Variants in PLCB1 observed in about 807,000 individuals in gnomAD.
PLCB1 encodes 1-phosphatidylinositol 4,5-bisphosphate phosphodiesterase beta-1.
Under a neutral mutation model 161.8 loss-of-function variants are expected in PLCB1, and 46 were observed. The observed-to-expected ratio is 0.28, with a 90% CI of 0.22 to 0.36. PLCB1 has a LOEUF of 0.36. Ranked by LOEUF, PLCB1 falls within the 10% of genes least tolerant of loss-of-function variation. The pLI is 1.00. For synonymous variants in PLCB1, 517 were observed against 503.7 expected (o/e 1.03, Z -0.35); for missense variants, 1,016 against 1,472.5 (o/e 0.69, Z 5.07).
chr20:8,271,327 G>A (rs2123263704), intron 2 of PLCB1, among the ~76,000 whole-genome samples: 1 of 152,158 alleles, frequency 6.6e-6, no homozygotes, highest in Non-Finnish European at 1.5e-5. Context: ...TTATATGATT[G>A]AAATTGTTGG....
intron 2 of PLCB1, among the ~76,000 whole-genome samples, chr20:8,335,438 A>G (rs967364082): frequency 1.3e-5 from 2 of 152,158 alleles, no homozygotes; most frequent in Non-Finnish European, 2.9e-5. Flanking sequence ...ACAACCTCCT[A>G]AATAGTTCAC....
intron 2 of PLCB1, among the ~76,000 whole-genome samples, chr20:8,325,757 A>AG (rs1441165563): frequency 6.6e-6 from 1 of 152,108 alleles, no homozygotes; most frequent in African/African-American, 2.4e-5. Flanking sequence ...GCTGTTCCTG[A>AG]GGAGTTCCTA....
intron 10 of PLCB1, among the ~76,000 whole-genome samples, chr20:8,688,045 G>GT (rs1341013917): frequency 6.6e-6 from 1 of 152,154 alleles, no homozygotes; most frequent in East Asian, 1.9e-4. Context: ...GAGTAAGGTG[G>GT]TATCGCATTG....
chr20:8,560,383 CAT>C (rs771627281), intron 3 of PLCB1, among the ~76,000 whole-genome samples: 1 of 151,864 alleles, frequency 6.6e-6, no homozygotes, highest in Non-Finnish European at 1.5e-5. Context: ...AAGCTTCTCA[CAT>C]GTTTCTAATA....
chr20:8,253,725 A>AT (rs1375953673), intron 2 of PLCB1, among the ~76,000 whole-genome samples: 1 of 151,942 alleles, frequency 6.6e-6, no homozygotes, highest in Non-Finnish European at 1.5e-5. Flanking sequence ...CCCATCACCC[A>AT]AGAACTAAGC....
At chr20:8,204,497 G>C (rs1258283158) in intron 2 of PLCB1, among the ~76,000 whole-genome samples, 1 of 152,042 alleles carries the variant, frequency 6.6e-6, no homozygotes, top group East Asian at 1.9e-4. Context: ...GCTGGAGATG[G>C]GGCCTGGTGG....
chr20:8,495,388 CTTTTTTTTTTTTTTTTT>C (rs869173548), intron 3 of PLCB1, among the ~76,000 whole-genome samples: 1 of 94,364 alleles, frequency 1.1e-5, no homozygotes, highest in Non-Finnish European at 2.0e-5. Flanking sequence ...ACCTTCCTTT[CTTTTTTTTTTTTTTTTT>C]TTTTTTTTTT....
In PLCB1 at chr20:8,224,959, A is replaced by T. The variant is rs185094053; in HGVS notation, c.177+74588A>T. ...GGTATTCATTTTTTAACCACTCATT[A>T]TGGAAAATTTCAAATGTACACAAAA... On this transcript the variant is annotated intron_variant, in intron 2 of 31. Coordinates refer to ENST00000338037, the MANE Select transcript of PLCB1 (RefSeq NM_015192.4). Among the ~76,000 whole-genome samples, 6 of 152,310 alleles carry T rather than the reference A, an allele frequency of 3.9e-5. No homozygotes were observed. The East Asian group carries it at 1.2e-3, about 29-fold the overall frequency.
At chr20:8,608,009 T>C (rs1987805935) in intron 3 of PLCB1, among the ~76,000 whole-genome samples, 1 of 152,088 alleles carries the variant, frequency 6.6e-6, no homozygotes, top group Non-Finnish European at 1.5e-5. Flanking sequence ...TATATACAAT[T>C]TTTACTCGTC....
intron 11 of PLCB1, among the ~76,000 whole-genome samples, chr20:8,699,200 A>T (rs1314929621): frequency 2.0e-5 from 3 of 152,226 alleles, no homozygotes; most frequent in Non-Finnish European, 4.4e-5. Context: ...GTTGCCTGGG[A>T]TACCTGGGTC....
chr20:8,847,649 A>G (rs565032725), intron 31 of PLCB1, among the ~76,000 whole-genome samples: 1 of 152,302 alleles, frequency 6.6e-6, no homozygotes, highest in South Asian at 2.1e-4. Flanking sequence ...TTCAGGTGCC[A>G]GTTGCAAGAC....
At chr20:8,400,911 G>C (rs1484217846) in intron 3 of PLCB1, among the ~76,000 whole-genome samples, 1 of 152,080 alleles carries the variant, frequency 6.6e-6, no homozygotes, top group Non-Finnish European at 1.5e-5. Flanking sequence ...TGGTGAAATT[G>C]CTAAGTCCAA....
rs552715887 is a variant in PLCB1, at chr20:8,189,139, T to C, written c.177+38768T>C. 5.3e-5 allele frequency among the ~76,000 whole-genome samples: 8 copies of C among 151,932 alleles called. No homozygotes were observed. In the South Asian group the frequency reaches 1.7e-3, roughly 31 times the overall value. On this transcript the variant is annotated intron_variant, in intron 2 of 31. Transcript: ENST00000338037. Reference sequence around the variant, plus strand: ...ATAAGTGAATCATGCAATCTTTTTTTTCTGTGTCTGTGCCAGACACAGAAA... The same window carrying C: ...ATAAGTGAATCATGCAATCTTTTTTCTCTGTGTCTGTGCCAGACACAGAAA...
intron 4 of PLCB1, among the ~76,000 whole-genome samples, chr20:8,632,012 GAGACAAATAT>G (rs1988602898): frequency 7.3e-6 from 1 of 136,772 alleles, no homozygotes; most frequent in Admixed American, 7.6e-5. Flanking sequence ...ACTCCTGGAG[GAGACAAATAT>G]GGGTTTTTTT....
chr20:8,430,125 G>A (rs1004521012), intron 3 of PLCB1, among the ~76,000 whole-genome samples: 1 of 151,964 alleles, frequency 6.6e-6, no homozygotes. Flanking sequence ...CTGTGACTGG[G>A]TGTGAATCTA....
At chr20:8,269,279 C>T (rs1033531746) in intron 2 of PLCB1, among the ~76,000 whole-genome samples, 10 of 152,062 alleles carry the variant, frequency 6.6e-5, no homozygotes, top group Admixed American at 4.6e-4. Context: ...GTTCCCCTCC[C>T]TGTGTCCATG....
intron 3 of PLCB1, among the ~76,000 whole-genome samples, chr20:8,569,152 A>C (rs1568511949): frequency 1.3e-5 from 2 of 152,212 alleles, no homozygotes; most frequent in Non-Finnish European, 2.9e-5. Context: ...CACCAGCAAG[A>C]GTGCCTTTAG....
chr20:8,242,838 T>C (rs746144926), intron 2 of PLCB1, among the ~76,000 whole-genome samples: 8 of 151,954 alleles, frequency 5.3e-5, no homozygotes, highest in Non-Finnish European at 1.2e-4. Context: ...GACATAATGC[T>C]TCTGGTTTGG....
chr20:8,827,569 T>C (rs1985765651), intron 31 of PLCB1, among the ~76,000 whole-genome samples: 6 of 152,246 alleles, frequency 3.9e-5, no homozygotes, highest in Admixed American at 3.9e-4. Flanking sequence ...ATTCAGTTTC[T>C]CAGTCACACT....
Sources: allele counts gnomAD v4.1 joint callset (sites outside exome capture counted in the v4.1 genomes callset), GRCh38; gene constraint gnomAD v4.1.1; transcripts MANE v1.5; gene names NCBI Gene and HGNC (gene_info 2026-07-23, HGNC 2026-07-21).